The following BTG4 variants were observed in gnomAD, a reference collection of about 807,000 sequenced individuals.
BTG4 encodes the protein protein BTG4.
A neutral mutation model predicts 19.3 loss-of-function variants in BTG4; 10 were observed. That is an observed-to-expected ratio of 0.52 (90% CI 0.32 to 0.88). The LOEUF (loss-of-function observed/expected upper bound fraction) is 0.88. BTG4 is among the 40% of genes least tolerant of loss of function. The pLI is 0.04. For synonymous variants in BTG4, 91 were observed against 95.7 expected (o/e 0.95, Z 0.29); for missense variants, 238 against 281.9 (o/e 0.84, Z 1.11).
the BTG4 span, chr11:111,459,697 C>A: frequency 6.6e-6 from 1 of 152,572 alleles, no homozygotes; most frequent in African/African-American, 2.4e-5. Context: ...CCTGAGGGCT[C>A]GGGGCTCATG....
chr11:111,498,284 A>T (rs866497196), intron 2 of BTG4, 149 bp from the exon 3 acceptor site: 34 of 839,014 alleles, frequency 4.1e-5, no homozygotes, highest in Non-Finnish European at 6.2e-5. Context: ...CCACTCTTAC[A>T]AGTAAGACAT....
intron 5 of BTG4, among the ~76,000 whole-genome samples, chr11:111,473,081 GAA>G (rs149225761): frequency 1.5e-5 from 2 of 132,530 alleles, no homozygotes; most frequent in Non-Finnish European, 1.6e-5. Context: ...GCCTAGAAGT[GAA>G]AAAAAAAAAA....
chr11:111,429,989 C>T, the BTG4 span, among the ~76,000 whole-genome samples: 8 of 152,334 alleles, frequency 5.3e-5, no homozygotes, highest in South Asian at 1.7e-3. Context: ...CCTATCTCTT[C>T]TGATTAGTAC....
the BTG4 span, among the ~76,000 whole-genome samples, chr11:111,394,520 C>G: frequency 3.3e-5 from 5 of 152,186 alleles, no homozygotes; most frequent in East Asian, 9.7e-4. Context: ...GATTGTGAGA[C>G]CCCCCCACCA....
At chr11:111,434,461 G>A in the BTG4 span, among the ~76,000 whole-genome samples, 2 of 152,072 alleles carry the variant, frequency 1.3e-5, no homozygotes, top group Admixed American at 1.3e-4. Flanking sequence ...ATGAGTTGAT[G>A]GGTGCAGCAA....
downstream of BTG4, chr11:111,463,203 GATCTGTATTTCC>G (rs1301548053): frequency 6.6e-6 from 1 of 152,662 alleles, no homozygotes; most frequent in African/African-American, 2.4e-5. Flanking sequence ...TGGCTGAGGA[GATCTGTATTTCC>G]ATCTTTGATA....
intron 5 of BTG4, among the ~76,000 whole-genome samples, chr11:111,482,602 C>T (rs540634312): frequency 1.3e-5 from 2 of 152,256 alleles, no homozygotes; most frequent in African/African-American, 4.8e-5. Context: ...AATAAACACA[C>T]AGGCCAAGAA....
the BTG4 span, chr11:111,455,856 TG>T: frequency 2.2e-6 from 1 of 455,622 alleles, no homozygotes; most frequent in Non-Finnish European, 4.4e-6. Context: ...GCACCGGCAC[TG>T]GGGCGGAGCT....
chr11:111,394,542 C>T, the BTG4 span, among the ~76,000 whole-genome samples: 33 of 152,354 alleles, frequency 2.2e-4, no homozygotes, highest in Admixed American at 1.3e-3. Context: ...CCACATGGAA[C>T]TGTGAGTCCA....
chr11:111,495,339 T>C (rs752197360), intron 4 of BTG4, 25 bp from the exon 5 acceptor site: 1 of 1,584,184 alleles, frequency 6.3e-7, no homozygotes, highest in African/African-American at 1.4e-5. Flanking sequence ...TATAAAGATC[T>C]CTAATAAGCT....
chr11:111,401,818 C>T, the BTG4 span, among the ~76,000 whole-genome samples: 1 of 152,048 alleles, frequency 6.6e-6, no homozygotes, highest in South Asian at 2.1e-4. Flanking sequence ...TCACTGTATC[C>T]CCATCACCTA....
the BTG4 span, among the ~76,000 whole-genome samples, chr11:111,452,101 C>T: frequency 1.3e-5 from 2 of 152,226 alleles, no homozygotes; most frequent in African/African-American, 4.8e-5. Flanking sequence ...CACCACCACA[C>T]TGATCCAGGT....
At chr11:111,391,552 CAGGCGGAGTTATGCCTG>C in the BTG4 span, among the ~76,000 whole-genome samples, 7 of 152,130 alleles carry the variant, frequency 4.6e-5, no homozygotes, top group Non-Finnish European at 1.0e-4. Context: ...CTGGGCGGCA[CAGGCGGAGTTATGCCTG>C]AGGCCTCTCA....
intron 1 of BTG4, among the ~76,000 whole-genome samples, chr11:111,503,707 C>G (rs778688372): frequency 1.3e-5 from 2 of 152,026 alleles, no homozygotes; most frequent in Non-Finnish European, 2.9e-5. Context: ...ATTTTATTTC[C>G]TATTATGCCT....
At chr11:111,465,433 G>T (rs548871776), downstream of BTG4, among the ~76,000 whole-genome samples, 1 of 152,140 alleles carries the variant, frequency 6.6e-6, no homozygotes, top group South Asian at 2.1e-4. Flanking sequence ...TTTATGGAGT[G>T]CTTTATAATA....
At chr11:111,414,536 G>C in the BTG4 span, 4 of 152,202 alleles carry the variant, frequency 2.6e-5, no homozygotes, top group Non-Finnish European at 5.9e-5. Flanking sequence ...TGGTGTTCTC[G>C]TCCGGGCAGC....
the BTG4 span, among the ~76,000 whole-genome samples, chr11:111,384,527 C>T: frequency 6.6e-5 from 10 of 152,020 alleles, no homozygotes; most frequent in East Asian, 1.9e-3. Context: ...TAGATGCAAG[C>T]GGATAATGAA....
the BTG4 span, among the ~76,000 whole-genome samples, chr11:111,423,642 G>T: frequency 6.6e-6 from 1 of 152,156 alleles, no homozygotes; most frequent in Non-Finnish European, 1.5e-5. Flanking sequence ...CGATATCAAT[G>T]ACAATAAATA....
chr11:111,447,039 GTC>G, the BTG4 span, among the ~76,000 whole-genome samples: 4 of 152,208 alleles, frequency 2.6e-5, no homozygotes. Flanking sequence ...CCCACAGGTA[GTC>G]TCTGTCACAA....
Sources: gnomAD v4.1 joint callset for allele counts (sites outside exome capture counted in the v4.1 genomes callset) on GRCh38, gnomAD v4.1.1 for gene constraint, MANE v1.5 for transcripts, NCBI Gene and HGNC (gene_info 2026-07-23, HGNC 2026-07-21) for gene names.